Variants in SENP5 observed in about 807,000 individuals in gnomAD.
SENP5 encodes sentrin-specific protease 5.
In SENP5, 21 loss-of-function variants were observed where a neutral mutation model predicts 74.2. That is an observed-to-expected ratio of 0.28 (90% CI 0.20 to 0.41). The LOEUF is 0.41. Among genes scored for constraint, SENP5 ranks in the 10% least tolerant of loss-of-function variants. The pLI is 1.00. For synonymous variants in SENP5, 311 were observed against 312.7 expected, an observed-to-expected ratio of 0.99 and a Z score of 0.06; for missense variants, 717 against 889.1, an observed-to-expected ratio of 0.81 and a Z score of 2.46.
chr3:196,882,928 ATT>A (rs10576427), intron 1 of SENP5, among the ~76,000 whole-genome samples: 46,448 of 144,500 alleles, frequency 0.32, 8,119 homozygotes, highest in East Asian at 0.76. Flanking sequence ...ATCTTTATGG[ATT>A]TTTTTTTTTT....
At chr3:196,895,411 C>T (rs569326489) in intron 2 of SENP5, among the ~76,000 whole-genome samples, 2 of 152,090 alleles carry the variant, frequency 1.3e-5, no homozygotes, top group African/African-American at 4.8e-5. Context: ...TGGTCTCGAT[C>T]TCCTGACCTC....
At chr3:196,914,585 AAATAT>A (rs1715283702) in intron 6 of SENP5, 2 of 92,506 alleles carry the variant, frequency 2.2e-5, no homozygotes, top group African/African-American at 9.5e-5. Flanking sequence ...AAAAAAAAAA[AAATAT>A]ATATATATAT....
chr3:196,918,179 C>T lies in SENP5; in HGVS notation c.1885-5235C>T, dbSNP rs148987029. Among the ~76,000 whole-genome samples, 1,349 of 151,564 alleles carry T rather than the reference C, an allele frequency of 8.9e-3. 24 individuals carry two copies. Among genetic ancestry groups the T allele is most frequent in the African/African-American group, 0.028 (1,163 of 41,302 alleles). ...AAAATTAGCCGGGCGCGGTGGCGGG[C>T]GCCTGTAGTCCCAGCTACTCGGGAG... is the stretch of plus-strand genomic sequence containing the variant. On this transcript the variant is annotated intron_variant, in intron 6 of 9. Transcript: ENST00000323460.
chr3:196,874,708 G>A (rs189707589), intron 1 of SENP5, among the ~76,000 whole-genome samples: 3 of 151,962 alleles, frequency 2.0e-5, no homozygotes, highest in Admixed American at 6.6e-5. Flanking sequence ...GGAGAAACCC[G>A]GTCTCTACTA....
chr3:196,878,974 TA>T (rs1377655921), intron 1 of SENP5, among the ~76,000 whole-genome samples: 1 of 152,234 alleles, frequency 6.6e-6, no homozygotes, highest in Non-Finnish European at 1.5e-5. Context: ...TGTTCTTTTT[TA>T]CATCTGTTCC....
intron 5 of SENP5, among the ~76,000 whole-genome samples, chr3:196,901,779 T>C (rs560840295): frequency 4.1e-4 from 63 of 152,364 alleles, no homozygotes; most frequent in African/African-American, 1.5e-3. Context: ...ATATAGATTA[T>C]CTTTAACATA....
intron 1 of SENP5, among the ~76,000 whole-genome samples, chr3:196,877,772 G>T (rs1713545125): frequency 6.6e-6 from 1 of 152,156 alleles, no homozygotes; most frequent in South Asian, 2.1e-4. Flanking sequence ...GTTCTCTACA[G>T]AATCCCAGGT....
At chr3:196,873,862 A>T (rs1396333097) in intron 1 of SENP5, among the ~76,000 whole-genome samples, 2 of 152,054 alleles carry the variant, frequency 1.3e-5, no homozygotes, top group East Asian at 3.9e-4. Flanking sequence ...AACAAAAAAC[A>T]TAATTTAATT....
chr3:196,868,455 T>G (rs191660318), intron 1 of SENP5, among the ~76,000 whole-genome samples: 98 of 152,314 alleles, frequency 6.4e-4, no homozygotes, highest in African/African-American at 2.2e-3. Flanking sequence ...TCTGCCTCCT[T>G]CCGGCCTTCG....
In SENP5 at chr3:196,894,510, TAATAA is replaced by T. The variant is rs1326791770; in HGVS notation, c.1514-5151_1514-5147del. Among the ~76,000 whole-genome samples, 6 of 151,860 alleles carry T rather than the reference TAATAA, an allele frequency of 4.0e-5. No individual in the cohort carries two copies. In the Admixed American group the frequency reaches 4.0e-4, roughly 10 times the overall value. ...TTACACCAAAATGAATTCCAGCTGTTAATAAAATATTTAGTTGCGAGTTCTTTTTT... is the reference window on the plus strand; with the variant it reads ...TTACACCAAAATGAATTCCAGCTGTTAATATTTAGTTGCGAGTTCTTTTTT... On this transcript the variant is annotated intron_variant, in intron 2 of 9. Transcript: ENST00000323460.
intron 6 of SENP5, among the ~76,000 whole-genome samples, chr3:196,921,018 A>G (rs535563184): frequency 7.2e-5 from 11 of 152,214 alleles, no homozygotes; most frequent in Non-Finnish European, 8.8e-5. Context: ...CAGTGATACA[A>G]TCTGTCATGC....
In SENP5 at chr3:196,900,421, A is replaced by G. The variant is rs1230203274; in HGVS notation, c.1806+9A>G. ...ATGCAGTCCCAGACAAAGTAAGTGA[A>G]AACTTCCTCTTCTGCAGGAGAGAGT... On this transcript the variant is annotated intron_variant, in intron 5 of 9. Transcript: ENST00000323460. The G allele has an allele frequency of 6.2e-7, 1 of 1,601,988 alleles. No individual in the cohort carries two copies. Among genetic ancestry groups the G allele is most frequent in the Non-Finnish European group, 8.5e-7 (1 of 1,173,458 alleles).
intron 6 of SENP5, among the ~76,000 whole-genome samples, chr3:196,922,299 C>T (rs1336233407): frequency 6.6e-6 from 1 of 152,194 alleles, no homozygotes; most frequent in African/African-American, 2.4e-5. Flanking sequence ...AATTACCAGT[C>T]ATGTGACTAA....
chr3:196,896,345 G>A (rs758559414), intron 2 of SENP5, among the ~76,000 whole-genome samples: 1 of 152,232 alleles, frequency 6.6e-6, no homozygotes, highest in African/African-American at 2.4e-5. Context: ...CCCAGTTTCT[G>A]TAGTCACGGT....
rs377412878 is a variant in SENP5 at position 196,907,817 on chromosome 3, G to T, written c.1884+4207G>T. Among the ~76,000 whole-genome samples the T allele has an allele frequency of 1.1e-3, 167 of 152,178 alleles. 4 individuals carry two copies. The highest frequency in any genetic ancestry group is 0.01 in the Middle Eastern group (3 of 294). On this transcript the variant is annotated intron_variant, in intron 6 of 9. Transcript: ENST00000323460. The stretch of plus-strand genomic sequence containing the variant: ...AAATTTGTGTTCGGCTGCATTCAGA[G>T]CCGTCCTGGGCTGCATGCTGCCCGT...
At chr3:196,919,591 C>G (rs967669182) in intron 6 of SENP5, among the ~76,000 whole-genome samples, 39 of 152,082 alleles carry the variant, frequency 2.6e-4, no homozygotes, top group Non-Finnish European at 5.0e-4. Context: ...GTCAGGTGTT[C>G]AAGACCAGCC....
At chr3:196,919,366 A>G (rs535502436) in intron 6 of SENP5, among the ~76,000 whole-genome samples, 37 of 152,236 alleles carry the variant, frequency 2.4e-4, no homozygotes, top group Non-Finnish European at 4.4e-4. Flanking sequence ...CTGTAGTCCT[A>G]GCTATTCGGG....
chr3:196,927,475 A>G (rs1015563580), intron 7 of SENP5, among the ~76,000 whole-genome samples: 1 of 152,142 alleles, frequency 6.6e-6, no homozygotes, highest in Admixed American at 6.5e-5. Flanking sequence ...AGTCTGAAAT[A>G]AAGTCCCGGC....
intron 6 of SENP5, among the ~76,000 whole-genome samples, chr3:196,916,419 A>G (rs138128986): frequency 2.0e-4 from 31 of 152,264 alleles, no homozygotes; most frequent in East Asian, 1.7e-3. Context: ...GAGATATGCA[A>G]CCTCTCAGAC....
Sources: allele counts gnomAD v4.1 joint callset (sites outside exome capture counted in the v4.1 genomes callset), GRCh38; gene constraint gnomAD v4.1.1; transcripts MANE v1.5; gene names NCBI Gene and HGNC (gene_info 2026-07-23, HGNC 2026-07-21).